ARSG: variants seen among roughly 807,000 people sequenced by gnomAD.
ARSG encodes the protein arylsulfatase G.
A neutral mutation model predicts 50.5 loss-of-function variants in ARSG; 37 were observed. The observed-to-expected ratio is 0.73, with a 90% CI of 0.56 to 0.96. The LOEUF is 0.96. ARSG is among the 50% of genes least tolerant of loss of function. The probability of loss-of-function intolerance (pLI) is 0.00; values close to 1 mark genes in which losing one functional copy is unlikely to be tolerated. For synonymous variants in ARSG, 225 were observed against 254.6 expected, an observed-to-expected ratio of 0.88 and a Z score of 1.11; for missense variants, 629 against 675.3, an observed-to-expected ratio of 0.93 and a Z score of 0.76.
the ARSG span, among the ~76,000 whole-genome samples, chr17:68,437,205 G>C: frequency 6.6e-6 from 1 of 152,042 alleles, no homozygotes; most frequent in Non-Finnish European, 1.5e-5. Context: ...ATTATATACT[G>C]TTGGCCAGTA....
At chr17:68,268,771 T>C (rs1360732382) in intron 1 of ARSG, 2 of 275,468 alleles carry the variant, frequency 7.3e-6, no homozygotes, top group Non-Finnish European at 1.4e-5. Flanking sequence ...TGCCAGTTCA[T>C]GTCACTATTT....
chr17:68,306,230 A>G (rs1555763983), intron 1 of ARSG, among the ~76,000 whole-genome samples: 1 of 151,890 alleles, frequency 6.6e-6, no homozygotes, highest in East Asian at 2.0e-4. Flanking sequence ...TCAAACTCCC[A>G]ACCTCAGGTG....
Position 68,367,264 on chromosome 17 carries a change from C to G in ARSG, c.705-1284C>G, listed in dbSNP as rs774864904. ...TAGCAAAGAGAACTGAGTGCAAGCA[C>G]AGTCCCAGGCGGCAGACCCTGGGAG... On this transcript the variant is annotated intron_variant, in intron 6 of 11. Transcript: ENST00000621439. The surrounding 1 kb of genome is among the most constrained non-coding windows in gnomAD (Gnocchi z 4.5). Among the ~76,000 whole-genome samples the G allele has an allele frequency of 2.0e-5, 3 of 152,192 alleles. No homozygotes were observed. Among genetic ancestry groups the G allele is most frequent in the Non-Finnish European group, 2.9e-5 (2 of 68,038 alleles).
intron 1 of ARSG, among the ~76,000 whole-genome samples, chr17:68,275,334 G>GA (rs1219871838): frequency 1.3e-5 from 2 of 151,960 alleles, no homozygotes; most frequent in African/African-American, 4.8e-5. Flanking sequence ...AAGGAAGTGG[G>GA]AAAAAAAGGA....
At chr17:68,448,415 C>T in the ARSG span, 11 of 152,106 alleles carry the variant, frequency 7.2e-5, no homozygotes, top group Non-Finnish European at 1.0e-4. Context: ...ATCTTGGTTC[C>T]GAGAACTGTT....
chr17:68,262,312 A>T lies in ARSG; in HGVS notation c.-552+2886A>T, dbSNP rs567014236. Among the ~76,000 whole-genome samples the T allele has an allele frequency of 2.5e-3, 385 of 151,876 alleles. 1 individual carries two copies. Among genetic ancestry groups the T allele is most frequent in the Non-Finnish European group, 4.1e-3 (276 of 67,962 alleles). ...CGGTGAAACTCCGTGTCTACTAAAAATACAAAAAATTAGCCAGGTGTGGTG... is the reference window on the plus strand; with the variant it reads ...CGGTGAAACTCCGTGTCTACTAAAATTACAAAAAATTAGCCAGGTGTGGTG... On this transcript the variant is annotated intron_variant, in intron 1 of 11. Coordinates refer to the ARSG transcript ENST00000448504.
intron 2 of ARSG, among the ~76,000 whole-genome samples, chr17:68,317,109 C>T (rs977699417): frequency 2.6e-5 from 4 of 152,168 alleles, no homozygotes; most frequent in Admixed American, 6.5e-5. Context: ...GGGCACCATC[C>T]GTACCACAAT....
chr17:68,274,256 A>T, intron 1 of ARSG: 1 of 528,434 alleles, frequency 1.9e-6, no homozygotes, highest in Non-Finnish European at 3.3e-6. Flanking sequence ...GCTTGAGCCC[A>T]GGAGTTCAAG....
the ARSG span, among the ~76,000 whole-genome samples, chr17:68,439,685 A>T: frequency 1.3e-5 from 2 of 152,216 alleles, no homozygotes; most frequent in African/African-American, 4.8e-5. Flanking sequence ...AGGAATATTT[A>T]TCTGGTTAGA....
chr17:68,423,786 AG>A (rs767119501), downstream of ARSG, among the ~76,000 whole-genome samples: 2 of 152,212 alleles, frequency 1.3e-5, no homozygotes, highest in Non-Finnish European at 2.9e-5. This position sits in a 1 kb window ranked among gnomAD's most constrained non-coding sequence, Gnocchi z 4.4. Context: ...TATTTTATAC[AG>A]GTTCTTTGGC....
At chr17:68,415,535 C>T (rs556231889) in intron 11 of ARSG, among the ~76,000 whole-genome samples, 1 of 152,152 alleles carries the variant, frequency 6.6e-6, no homozygotes, top group African/African-American at 2.4e-5. Flanking sequence ...CTGTTAAGTC[C>T]ATTTGTTACA....
intron 5 of ARSG, among the ~76,000 whole-genome samples, chr17:68,353,560 T>C (rs994097601): frequency 1.3e-5 from 2 of 152,114 alleles, no homozygotes; most frequent in Non-Finnish European, 2.9e-5. Flanking sequence ...TTCTGCACAT[T>C]ATGGCATGAA....
intron 6 of ARSG, among the ~76,000 whole-genome samples, chr17:68,365,135 C>A (rs1366463594): frequency 6.6e-6 from 1 of 152,136 alleles, no homozygotes; most frequent in Admixed American, 6.5e-5. Flanking sequence ...CATGGCAAAA[C>A]CTCATCTCTA....
chr17:68,390,927 C>CT (rs34688174), intron 9 of ARSG, among the ~76,000 whole-genome samples: 80,807 of 141,232 alleles, frequency 0.57, 24,169 homozygotes, highest in Admixed American at 0.68. Context: ...GTGCCCGGTC[C>CT]TTTTTTTTTT....
intron 6 of ARSG, among the ~76,000 whole-genome samples, chr17:68,359,239 A>G (rs2079175254): frequency 6.6e-6 from 1 of 152,146 alleles, no homozygotes; most frequent in African/African-American, 2.4e-5. Context: ...AAACCATACC[A>G]CAGTCTATCT....
At chr17:68,337,966 G>A (rs766513845) in intron 2 of ARSG, among the ~76,000 whole-genome samples, 7 of 152,052 alleles carry the variant, frequency 4.6e-5, no homozygotes, top group Non-Finnish European at 7.4e-5. Flanking sequence ...TCCCAGCACC[G>A]CTCGCTCCAG....
chr17:68,373,072 T>G (rs1043229011), intron 8 of ARSG, among the ~76,000 whole-genome samples: 3 of 151,066 alleles, frequency 2.0e-5, no homozygotes, highest in Non-Finnish European at 3.0e-5. Flanking sequence ...TTTGTTTGTT[T>G]TTTTTTGTTT....
chr17:68,325,638 G>C (rs1289222673), intron 2 of ARSG, among the ~76,000 whole-genome samples: 5 of 151,978 alleles, frequency 3.3e-5, no homozygotes, highest in Admixed American at 3.3e-4. Flanking sequence ...ACACAAAAGA[G>C]GCACAGGTGG....
In ARSG at chr17:68,271,381, T is replaced by G; in HGVS notation, c.-552+11955T>G. ...GACCTGCTGCATGTCGGCCTTCGGC[T>G]CCAGTTCCAGGTTAGTGTGAGTAGG... On this transcript the variant is annotated intron_variant, in intron 1 of 11. Coordinates refer to the ARSG transcript ENST00000448504. This position sits in a 1 kb window ranked among gnomAD's most constrained non-coding sequence, Gnocchi z 5.3. 1 of 1,614,256 alleles carries G rather than the reference T, an allele frequency of 6.2e-7. No individual in the cohort carries two copies. The highest frequency in any genetic ancestry group is 1.1e-5 in the South Asian group (1 of 91,088).
Sources: gnomAD v4.1 joint callset for allele counts (sites outside exome capture counted in the v4.1 genomes callset) on GRCh38, gnomAD v4.1.1 for gene constraint, Gnocchi (gnomAD v3.1) non-coding constraint, MANE v1.5 for transcripts, NCBI Gene and HGNC (gene_info 2026-07-23, HGNC 2026-07-21) for gene names.